Variants in VAX2 observed in about 807,000 individuals in gnomAD.
VAX2 encodes ventral anterior homeobox 2.
VAX2 carries 8 observed loss-of-function variants against 12.5 expected under a neutral mutation model. The observed-to-expected ratio is 0.64, with a 90% CI of 0.37 to 1.15. VAX2 has a LOEUF of 1.15. VAX2 is among the 50% of genes most tolerant of loss of function. The probability of loss-of-function intolerance (pLI) is 0.01; values close to 1 mark genes in which losing one functional copy is unlikely to be tolerated. For missense variants in VAX2, 476 were observed against 412.9 expected (o/e 1.15, Z -1.32); for synonymous variants, 183 against 187.6 (o/e 0.98, Z 0.20).
At chr2:70,931,483 G>C (rs989189095) in intron 2 of VAX2, among the ~76,000 whole-genome samples, 1 of 152,206 alleles carries the variant, frequency 6.6e-6, no homozygotes, top group South Asian at 2.1e-4. Context: ...TCCCTCCAAA[G>C]GCAGCGTGGC....
chr2:70,921,111 A>T lies in VAX2; in HGVS notation c.261A>T (p.Thr87=), dbSNP rs782119303. 6.2e-7 allele frequency: 1 copy of T among 1,602,530 alleles called. No homozygotes were observed. Residue 87 remains threonine (T), a synonymous_variant, in exon 2 of 3, where the codon ACA becomes ACT. Coordinates refer to ENST00000234392, the MANE Select transcript of VAX2 (RefSeq NM_012476.3). ...TGGCCTCTGCAGATGCCAAAGGGAC[A>T]ATTCGGGAAATTGTCCTGCCTAAGG... The part of the protein sequence containing the change: ...RRILVRDAKG[T]IREIVLPKGL...
chr2:70,921,333 G>A, intron 2 of VAX2, 48 bp downstream of exon 2: 1 of 1,511,636 alleles, frequency 6.6e-7, no homozygotes, highest in Non-Finnish European at 8.8e-7. Context: ...GGCAGCCTGG[G>A]AACTCCTGGG....
At chr2:70,931,754 TATTC>T (rs1553414341) in intron 2 of VAX2, among the ~76,000 whole-genome samples, 1 of 152,196 alleles carries the variant, frequency 6.6e-6, no homozygotes, top group East Asian at 1.9e-4. Context: ...CCACAGACAT[TATTC>T]AGCACTCCAG....
intron 1 of VAX2, among the ~76,000 whole-genome samples, chr2:70,901,660 C>T (rs1678931224): frequency 6.6e-6 from 1 of 152,268 alleles, no homozygotes; most frequent in Non-Finnish European, 1.5e-5. Flanking sequence ...CCGGCCTCCT[C>T]TCCGCGAGGC....
intron 1 of VAX2, among the ~76,000 whole-genome samples, chr2:70,908,523 C>G (rs1260177510): frequency 1.3e-5 from 2 of 152,050 alleles, no homozygotes; most frequent in African/African-American, 4.8e-5. Flanking sequence ...TTTAAGTGGA[C>G]TAGGTGGATC....
At chr2:70,909,890 GTTTGT>G (rs1553411022) in intron 1 of VAX2, among the ~76,000 whole-genome samples, 2 of 152,054 alleles carry the variant, frequency 1.3e-5, no homozygotes, top group Non-Finnish European at 2.9e-5. Flanking sequence ...TGAACAAATG[GTTTGT>G]TTTATTTTTA....
intron 1 of VAX2, among the ~76,000 whole-genome samples, chr2:70,918,904 C>T (rs112032612): frequency 6.9e-6 from 1 of 144,572 alleles, no homozygotes; most frequent in Non-Finnish European, 1.5e-5. Flanking sequence ...TGAGGGTAGA[C>T]ATAAAGTAAA....
chr2:70,925,804 A>G (rs960420256), intron 2 of VAX2, among the ~76,000 whole-genome samples: 2 of 152,214 alleles, frequency 1.3e-5, no homozygotes, highest in African/African-American at 4.8e-5. Context: ...CGAGGGATTC[A>G]GCACCAGCTA....
intron 1 of VAX2, among the ~76,000 whole-genome samples, chr2:70,911,601 A>T (rs1340185695): frequency 6.6e-6 from 1 of 152,234 alleles, no homozygotes; most frequent in Non-Finnish European, 1.5e-5. Context: ...TTGCCAGTAC[A>T]ATTTTCCAAA....
intron 2 of VAX2, among the ~76,000 whole-genome samples, chr2:70,931,875 T>C (rs954193843): frequency 6.6e-6 from 1 of 152,224 alleles, no homozygotes; most frequent in Admixed American, 6.5e-5. Flanking sequence ...GAGGCTTCCA[T>C]TTTTTCTCTT....
At chr2:70,909,429 T>C (rs988821212) in intron 1 of VAX2, among the ~76,000 whole-genome samples, 1 of 152,126 alleles carries the variant, frequency 6.6e-6, no homozygotes, top group African/African-American at 2.4e-5. Flanking sequence ...CTCAAACTCT[T>C]GGCCTCAAGC....
At chr2:70,918,054 C>T (rs1553412281) in intron 1 of VAX2, among the ~76,000 whole-genome samples, 1 of 152,182 alleles carries the variant, frequency 6.6e-6, no homozygotes, top group Admixed American at 6.5e-5. Context: ...ATTATCCTAT[C>T]TTTTTGAAAT....
chr2:70,925,177 T>A (rs1183233185), intron 2 of VAX2, among the ~76,000 whole-genome samples: 1 of 152,092 alleles, frequency 6.6e-6, no homozygotes, highest in Non-Finnish European at 1.5e-5. Flanking sequence ...TGGTAATACA[T>A]TGAAGAGAAA....
intron 2 of VAX2, among the ~76,000 whole-genome samples, chr2:70,922,675 G>A (rs1679484387): frequency 6.6e-6 from 1 of 152,054 alleles, no homozygotes; most frequent in Admixed American, 6.5e-5. Flanking sequence ...GGGAGGAGGG[G>A]AAGGCCGGGG....
intron 1 of VAX2, among the ~76,000 whole-genome samples, chr2:70,915,476 T>C (rs1348089714): frequency 6.6e-6 from 1 of 151,552 alleles, no homozygotes; most frequent in East Asian, 2.0e-4. Context: ...GTGATCCACC[T>C]GCCTCAGCCT....
At chr2:70,925,751 C>T (rs1290030117) in intron 2 of VAX2, among the ~76,000 whole-genome samples, 1 of 152,080 alleles carries the variant, frequency 6.6e-6, no homozygotes, top group African/African-American at 2.4e-5. Context: ...CATGGTGTAG[C>T]CAGGAATTGG....
intron 1 of VAX2, among the ~76,000 whole-genome samples, chr2:70,901,856 G>C (rs567195419): frequency 6.6e-6 from 1 of 152,298 alleles, no homozygotes; most frequent in African/African-American, 2.4e-5. Context: ...CCCTGGGACC[G>C]GGAGACCCAG....
At chr2:70,917,172 A>AAT (rs1553412083) in intron 1 of VAX2, among the ~76,000 whole-genome samples, 9 of 149,178 alleles carry the variant, frequency 6.0e-5, no homozygotes, top group African/African-American at 2.2e-4. Flanking sequence ...AAAAAAAAAA[A>AAT]TCAGCCGCGC....
chr2:70,914,550 C>T lies in VAX2; in HGVS notation c.248-6548C>T, dbSNP rs113093380. Among the ~76,000 whole-genome samples, 543 of 151,974 alleles carry T rather than the reference C, an allele frequency of 3.6e-3. 2 individuals are homozygous for T. The highest frequency in any genetic ancestry group is 0.013 in the African/African-American group (527 of 41,450). ...GACTCAATTATGGTTCTATTAATAGCGTATAGGAGTGTAGATTTCCCTACA... is the reference window on the plus strand; with the variant it reads ...GACTCAATTATGGTTCTATTAATAGTGTATAGGAGTGTAGATTTCCCTACA... On this transcript the variant is annotated intron_variant, in intron 1 of 2. Coordinates refer to ENST00000234392, the MANE Select transcript of VAX2 (RefSeq NM_012476.3).
Sources: gnomAD v4.1 joint callset for allele counts (sites outside exome capture counted in the v4.1 genomes callset) on GRCh38, gnomAD v4.1.1 for gene constraint, MANE v1.5 for transcripts, NCBI Gene and HGNC (gene_info 2026-07-23, HGNC 2026-07-21) for gene names.